The following IMMP2L variants were observed in gnomAD, a reference collection of about 807,000 sequenced individuals.
The protein encoded by IMMP2L is inner mitochondrial membrane peptidase subunit 2.
In IMMP2L, 18 loss-of-function variants were observed where a neutral mutation model predicts 19.3. That is an observed-to-expected ratio of 0.93 (90% confidence interval 0.64 to 1.38). The LOEUF (loss-of-function observed/expected upper bound fraction) is 1.38, where lower values mean the gene tolerates loss of function less well. Ranked by LOEUF, IMMP2L falls within the 40% of genes most tolerant of loss-of-function variation. The pLI, the probability that IMMP2L is intolerant of heterozygous loss-of-function variation, is 0.00. For missense variants in IMMP2L, 233 were observed against 218.2 expected (o/e 1.07, Z -0.43); for synonymous variants, 76 against 73.0 (o/e 1.04, Z -0.21).
chr7:111,466,537 T>A (rs1424749263), intron 3 of IMMP2L, among the ~76,000 whole-genome samples: 1 of 152,148 alleles, frequency 6.6e-6, no homozygotes, highest in African/African-American at 2.4e-5. Context: ...ACGATAACTA[T>A]AATGAACAAA....
intron 3 of IMMP2L, among the ~76,000 whole-genome samples, chr7:111,354,778 A>G (rs1828531352): frequency 6.6e-6 from 1 of 151,830 alleles, no homozygotes; most frequent in Non-Finnish European, 1.5e-5. Flanking sequence ...AACAATAACA[A>G]AAAAATATGG....
chr7:111,383,147 T>C (rs1831371517), intron 3 of IMMP2L, among the ~76,000 whole-genome samples: 1 of 152,126 alleles, frequency 6.6e-6, no homozygotes, highest in Non-Finnish European at 1.5e-5. Flanking sequence ...TCTATGCACA[T>C]GGAAGTAGAG....
At position 110,757,279 on chromosome 7, in the gene IMMP2L, G is replaced by T. The variant is rs933318618; in HGVS notation, c.409-93558C>A. ...AGGGAACCACATCCAGAAGGGCTTC[G>T]TATTTGGTTTAATACTCACCATCAC... On this transcript the variant is annotated intron_variant, in intron 5 of 5. Coordinates refer to ENST00000405709, the MANE Select transcript of IMMP2L (RefSeq NM_032549.4). The surrounding 1 kb of genome is among the most constrained non-coding windows in gnomAD (Gnocchi z 4.2). Among the ~76,000 whole-genome samples the T allele has an allele frequency of 6.6e-6, 1 of 151,432 alleles. No individual in the cohort carries two copies. Among genetic ancestry groups the T allele is most frequent in the South Asian group, 2.1e-4 (1 of 4,762 alleles).
Position 111,414,179 on chromosome 7 carries a change from GAGAAGCC to G in IMMP2L, c.239+73052_239+73058del, listed in dbSNP as rs1281382423. Among the ~76,000 whole-genome samples, 34 of 151,906 alleles carry G rather than the reference GAGAAGCC, an allele frequency of 2.2e-4. 1 individual carries two copies. The East Asian group carries it at 5.4e-3, about 24-fold the overall frequency. ...GAATAAAGTACACTAGAACCAGAAA[GAGAAGCC>G]CCTTCCTCCTGTTCCCCTGCAGGAA... On this transcript the variant is annotated intron_variant, in intron 3 of 5. Coordinates refer to ENST00000405709, the MANE Select transcript of IMMP2L (RefSeq NM_032549.4).
chr7:110,761,330 C>G (rs1043098004), intron 5 of IMMP2L, among the ~76,000 whole-genome samples: 5 of 152,128 alleles, frequency 3.3e-5, no homozygotes, highest in Non-Finnish European at 7.4e-5. Context: ...GCAAACAAAG[C>G]TTTCCAATGA....
intron 3 of IMMP2L, among the ~76,000 whole-genome samples, chr7:111,472,270 T>C (rs1462666991): frequency 6.6e-6 from 1 of 151,842 alleles, no homozygotes; most frequent in Non-Finnish European, 1.5e-5. Context: ...CACATCTCTT[T>C]AAAAAAAAGT....
At chr7:110,743,571 T>C (rs1457223275) in intron 5 of IMMP2L, among the ~76,000 whole-genome samples, 3 of 152,204 alleles carry the variant, frequency 2.0e-5, no homozygotes, top group Non-Finnish European at 4.4e-5. Flanking sequence ...GATTTCTGCA[T>C]TTCCAACTGA....
At chr7:111,429,163 G>A (rs1836384217) in intron 3 of IMMP2L, among the ~76,000 whole-genome samples, 1 of 151,792 alleles carries the variant, frequency 6.6e-6, no homozygotes, top group South Asian at 2.1e-4. Flanking sequence ...TGTTGCCCAT[G>A]AGCTTCAAGA....
At chr7:110,832,738 A>G (rs1804083250) in intron 5 of IMMP2L, among the ~76,000 whole-genome samples, 2 of 152,340 alleles carry the variant, frequency 1.3e-5, no homozygotes, top group South Asian at 2.1e-4. Flanking sequence ...AATTCTTCAT[A>G]GGAATTCTGC....
intron 3 of IMMP2L, among the ~76,000 whole-genome samples, chr7:111,274,235 C>T (rs1028786791): frequency 6.6e-6 from 1 of 152,222 alleles, no homozygotes; most frequent in East Asian, 1.9e-4. Flanking sequence ...CTGGTAGGAT[C>T]ACCTTTTCAA....
chr7:110,701,893 G>A (rs1157613999), intron 5 of IMMP2L, among the ~76,000 whole-genome samples: 1 of 151,990 alleles, frequency 6.6e-6, no homozygotes, highest in Non-Finnish European at 1.5e-5. Flanking sequence ...TTCTATATGT[G>A]TATAGTCAAA....
chr7:111,420,889 T>G (rs1245088491), intron 3 of IMMP2L, among the ~76,000 whole-genome samples: 1 of 151,774 alleles, frequency 6.6e-6, no homozygotes, highest in Non-Finnish European at 1.5e-5. Context: ...GCCTTTATAG[T>G]AGCATGATTT....
At chr7:111,299,843 GAA>G (rs1335116536) in intron 3 of IMMP2L, among the ~76,000 whole-genome samples, 172 of 151,840 alleles carry the variant, frequency 1.1e-3, no homozygotes, top group Non-Finnish European at 3.5e-4. Context: ...ATTTTAAAAA[GAA>G]AAGAGAACAA....
At chr7:110,922,832 T>A (rs1377172476) in intron 4 of IMMP2L, among the ~76,000 whole-genome samples, 2 of 152,200 alleles carry the variant, frequency 1.3e-5, no homozygotes, top group Admixed American at 6.6e-5. Context: ...CTGGATGTAA[T>A]GTTTTTCTCA....
chr7:110,837,925 T>C (rs1188453666), intron 5 of IMMP2L, among the ~76,000 whole-genome samples: 1 of 152,148 alleles, frequency 6.6e-6, no homozygotes, highest in Non-Finnish European at 1.5e-5. Flanking sequence ...ATGTTGGGGA[T>C]GGCTCTATTG....
chr7:111,401,398 C>T (rs1392569438), intron 3 of IMMP2L, among the ~76,000 whole-genome samples: 1 of 152,088 alleles, frequency 6.6e-6, no homozygotes, highest in Non-Finnish European at 1.5e-5. Context: ...CTAACAATAA[C>T]ACAAGGCAGA....
chr7:110,714,751 C>A (rs1327724225), intron 5 of IMMP2L, among the ~76,000 whole-genome samples: 1 of 152,128 alleles, frequency 6.6e-6, no homozygotes, highest in Non-Finnish European at 1.5e-5. Context: ...TACCTGCCAC[C>A]ATGCCCAGCT....
intron 3 of IMMP2L, among the ~76,000 whole-genome samples, chr7:111,192,497 C>T (rs1808997458): frequency 6.6e-6 from 1 of 152,114 alleles, no homozygotes; most frequent in Admixed American, 6.5e-5. Flanking sequence ...CTTCTTCCAA[C>T]AAAACTTAGT....
intron 5 of IMMP2L, among the ~76,000 whole-genome samples, chr7:110,820,964 TATG>T (rs1272109004): frequency 6.6e-6 from 1 of 152,112 alleles, no homozygotes; most frequent in Admixed American, 6.6e-5. Flanking sequence ...GACAAATGCT[TATG>T]ATGTTACTGT....
Sources: gnomAD v4.1 joint callset for allele counts (sites outside exome capture counted in the v4.1 genomes callset) on GRCh38, gnomAD v4.1.1 for gene constraint, Gnocchi (gnomAD v3.1) non-coding constraint, MANE v1.5 for transcripts, NCBI Gene and HGNC (gene_info 2026-07-23, HGNC 2026-07-21) for gene names.